The following RSL24D1 variants were observed in gnomAD, a reference collection of about 807,000 sequenced individuals.
RSL24D1 encodes probable ribosome biogenesis protein RLP24.
A neutral mutation model predicts 26.2 loss-of-function variants in RSL24D1; 6 were observed. The ratio of observed to expected loss-of-function variants is 0.23; its 90% CI spans 0.13 to 0.45. The LOEUF (loss-of-function observed/expected upper bound fraction) is 0.45, where lower values mean the gene tolerates loss of function less well. Ranked by LOEUF, RSL24D1 falls within the 20% of genes least tolerant of loss-of-function variation. The pLI is 0.99. For missense variants in RSL24D1, 176 were observed against 202.6 expected (o/e 0.87, Z 0.80); for synonymous variants, 61 against 59.1 (o/e 1.03, Z -0.15).
Position 55,185,449 on chromosome 15 carries a change from C to T in RSL24D1, c.269-24G>A, listed in dbSNP as rs567634295. The T allele has an allele frequency of 3.8e-6, 6 of 1,559,540 alleles. No individual in the cohort carries two copies. In the African/African-American group the frequency reaches 8.2e-5, roughly 21 times the overall value. ...AACTACAAAAAAATTCATGAGTTAG[C>T]AAATGTATGCACATTCAAGCGGTAT... On this transcript the variant is annotated intron_variant, in intron 3 of 5. Coordinates refer to ENST00000260443, the MANE Select transcript of RSL24D1 (RefSeq NM_016304.3).
intron 2 of RSL24D1, among the ~76,000 whole-genome samples, chr15:55,191,502 T>C (rs1012498913): frequency 2.6e-5 from 4 of 152,078 alleles, no homozygotes; most frequent in African/African-American, 7.2e-5. Context: ...AAACTTCATA[T>C]GGTTCAACCT....
intron 4 of RSL24D1, 119 bp downstream of exon 4, chr15:55,185,243 G>C: frequency 1.7e-6 from 1 of 586,808 alleles, no homozygotes; most frequent in Non-Finnish European, 2.9e-6. Flanking sequence ...ATTATTCCTT[G>C]AAGTTTTTGG....
intron 1 of RSL24D1, among the ~76,000 whole-genome samples, chr15:55,193,464 T>C (rs1595654178): frequency 6.6e-6 from 1 of 152,334 alleles, no homozygotes; most frequent in South Asian, 2.1e-4. Context: ...ATTATTTTGT[T>C]ACTTTGTAAT....
chr15:55,183,544 A>C (rs1894192651), intron 4 of RSL24D1, 144 bp from the exon 5 acceptor site: 1 of 622,290 alleles, frequency 1.6e-6, no homozygotes. Context: ...CCTTCTGTTC[A>C]CTCCCCTTTC....
intron 1 of RSL24D1, chr15:55,196,333 C>T (rs1258331939): frequency 4.4e-6 from 2 of 456,860 alleles, no homozygotes; most frequent in Non-Finnish European, 8.8e-6. Flanking sequence ...TCTTTCCGTA[C>T]AGGACCCTCC....
In RSL24D1 at chr15:55,193,289, C is replaced by T. The variant is rs532828229; in HGVS notation, c.82-456G>A. On this transcript the variant is annotated intron_variant, in intron 1 of 5. Coordinates refer to ENST00000260443, the MANE Select transcript of RSL24D1 (RefSeq NM_016304.3). ...AGTAAAACTGGTGATATAACAGATT[C>T]GTTTTCGACTTACTCACAGATCTGC... is the stretch of plus-strand genomic sequence containing the variant. Among the ~76,000 whole-genome samples the T allele has an allele frequency of 2.6e-5, 4 of 152,222 alleles. No individual in the cohort carries two copies. In the South Asian group the frequency reaches 6.2e-4, roughly 24 times the overall value.
At chr15:55,195,089 C>A (rs1408935047) in intron 1 of RSL24D1, among the ~76,000 whole-genome samples, 2 of 141,488 alleles carry the variant, frequency 1.4e-5, no homozygotes, top group African/African-American at 5.3e-5. Context: ...CTAATCTGAA[C>A]TAGGACAGGA....
chr15:55,185,281 A>C (rs1425326657), intron 4 of RSL24D1, 81 bp downstream of exon 4: 1 of 1,109,564 alleles, frequency 9.0e-7, no homozygotes, highest in African/African-American at 1.7e-5. Context: ...CAAAATAAAA[A>C]ATTTTTTTAA....
At chr15:55,185,655 A>G (rs1894216899) in intron 3 of RSL24D1, among the ~76,000 whole-genome samples, 2 of 152,172 alleles carry the variant, frequency 1.3e-5, no homozygotes, top group African/African-American at 2.4e-5. Flanking sequence ...TTATCTGACA[A>G]AAGTCTCTAC....
intron 5 of RSL24D1, 51 bp from the exon 6 acceptor site, chr15:55,182,276 C>A (rs1485234752): frequency 4.5e-6 from 5 of 1,104,092 alleles, no homozygotes; most frequent in Admixed American, 1.7e-5. Context: ...TGTGACCTTA[C>A]AGAATTCACA....
chr15:55,195,418 T>A (rs535479464), intron 1 of RSL24D1: 27 of 152,312 alleles, frequency 1.8e-4, no homozygotes, highest in African/African-American at 6.5e-4. Context: ...AGGCCCTCTA[T>A]CTTTTATTTC....
chr15:55,190,350 A>G (rs1196841725), intron 3 of RSL24D1, among the ~76,000 whole-genome samples: 1 of 151,922 alleles, frequency 6.6e-6, no homozygotes, highest in Non-Finnish European at 1.5e-5. Flanking sequence ...CTTTTTCTAC[A>G]TATGAGACTT....
intron 2 of RSL24D1, 48 bp from the exon 3 acceptor site, chr15:55,191,095 G>C (rs748330297): frequency 7.6e-7 from 1 of 1,310,360 alleles, no homozygotes; most frequent in Non-Finnish European, 1.1e-6. Context: ...AAGAAAGGTA[G>C]AAAGGAAACA....
At chr15:55,186,022 G>A (rs1486151945) in intron 3 of RSL24D1, among the ~76,000 whole-genome samples, 1 of 152,092 alleles carries the variant, frequency 6.6e-6, no homozygotes, top group Non-Finnish European at 1.5e-5. Context: ...AAATTTTCTA[G>A]TAGCCGTATT....
At chr15:55,182,431 C>T (rs1015634660) in intron 5 of RSL24D1, among the ~76,000 whole-genome samples, 4 of 152,090 alleles carry the variant, frequency 2.6e-5, no homozygotes, top group Non-Finnish European at 4.4e-5. Context: ...TCATTTCACC[C>T]TCATAACAAC....
intron 2 of RSL24D1, 102 bp from the exon 3 acceptor site, chr15:55,191,149 T>C: frequency 1.3e-6 from 1 of 777,096 alleles, no homozygotes; most frequent in Non-Finnish European, 2.0e-6. Flanking sequence ...TAAATGAACA[T>C]ACACCTAGAT....
At chr15:55,184,493 A>G (rs1894203224) in intron 4 of RSL24D1, among the ~76,000 whole-genome samples, 1 of 152,216 alleles carries the variant, frequency 6.6e-6, no homozygotes, top group Non-Finnish European at 1.5e-5. Context: ...AAAAATGTAG[A>G]AGAAATGATG....
chr15:55,191,927 A>T (rs1894302493), intron 2 of RSL24D1, among the ~76,000 whole-genome samples: 1 of 152,220 alleles, frequency 6.6e-6, no homozygotes, highest in African/African-American at 2.4e-5. Flanking sequence ...TTTCTTCCAG[A>T]ATGAAAATTA....
chr15:55,181,000 T>C lies in RSL24D1; in HGVS notation c.*1152A>G, dbSNP rs1488009382. On this transcript the variant is annotated 3_prime_UTR_variant, in exon 6 of 6. Coordinates refer to ENST00000260443, the MANE Select transcript of RSL24D1 (RefSeq NM_016304.3). ...CTAACACTTGGTCCAGGGACTGGTC[T>C]ACAGCCTTAGTTTTACTATCTAATA... 1.3e-5 allele frequency: 2 copies of C among 152,160 alleles called. No homozygotes were observed. The highest frequency in any genetic ancestry group is 1.3e-4 in the Admixed American group (2 of 15,266). The allele number at this position is 152,160 out of a possible 1,614,324, so 9.4% of individuals were successfully genotyped here. A position where few individuals can be genotyped will look rare whatever the true frequency, so the allele number is the denominator to read the frequency against.
Sources: allele counts gnomAD v4.1 joint callset (sites outside exome capture counted in the v4.1 genomes callset), GRCh38; gene constraint gnomAD v4.1.1; transcripts MANE v1.5; gene names NCBI Gene and HGNC (gene_info 2026-07-23, HGNC 2026-07-21).